The following ANXA10 variants were observed in gnomAD, a reference collection of about 807,000 sequenced individuals.
ANXA10 encodes annexin A10, also known as annexin 14.
A neutral mutation model predicts 53.5 loss-of-function variants in ANXA10; 49 were observed. The observed-to-expected ratio is 0.92, with a 90% CI of 0.73 to 1.16. The LOEUF is 1.16. Ranked by LOEUF, ANXA10 falls within the 50% of genes most tolerant of loss-of-function variation. The pLI is 0.00. For synonymous variants in ANXA10, 131 were observed against 128.9 expected, an observed-to-expected ratio of 1.02 and a Z score of -0.11; for missense variants, 393 against 394.4, an observed-to-expected ratio of 1.00 and a Z score of 0.03.
chr4:168,141,011 C>T (rs557170265), intron 3 of ANXA10, among the ~76,000 whole-genome samples: 1 of 152,270 alleles, frequency 6.6e-6, no homozygotes, highest in East Asian at 1.9e-4. Context: ...AGACTGAAAA[C>T]ATTACTTTAT....
intron 3 of ANXA10, among the ~76,000 whole-genome samples, chr4:168,152,005 G>A: frequency 6.6e-6 from 1 of 152,144 alleles, no homozygotes. Context: ...TACCTATATT[G>A]TAAGTGACGA....
At chr4:168,108,451 A>G (rs1467546773) in intron 1 of ANXA10, among the ~76,000 whole-genome samples, 2 of 152,106 alleles carry the variant, frequency 1.3e-5, no homozygotes, top group Non-Finnish European at 2.9e-5. Flanking sequence ...GCCTTCAAAG[A>G]TGTTTCTTTG....
At chr4:168,102,855 G>A (rs1002312523) in intron 1 of ANXA10, among the ~76,000 whole-genome samples, 2 of 152,086 alleles carry the variant, frequency 1.3e-5, no homozygotes, top group South Asian at 2.1e-4. Flanking sequence ...TTTTCCCAAA[G>A]TGACTATACA....
At chr4:168,138,577 C>T (rs768224143) in intron 2 of ANXA10, among the ~76,000 whole-genome samples, 21 of 152,036 alleles carry the variant, frequency 1.4e-4, no homozygotes, top group Non-Finnish European at 2.4e-4. Flanking sequence ...GCTATTCAGG[C>T]CCTTTTTTGG....
rs574602114 is a variant in ANXA10, at chr4:168,172,452, T to A, written c.481-5288T>A. ...TAGAAGCTGAAGATCACTAAGAAAA[T>A]ATCAATAATCCAGAAAATCTTCCCA... On this transcript the variant is annotated intron_variant, in intron 6 of 11. Coordinates refer to ENST00000359299, the MANE Select transcript of ANXA10 (RefSeq NM_007193.5). Among the ~76,000 whole-genome samples the A allele has an allele frequency of 7.2e-5, 11 of 152,306 alleles. No homozygotes were observed. The East Asian group carries it at 1.9e-3, about 27-fold the overall frequency.
Position 168,164,271 on chromosome 4 carries a change from G to A in ANXA10, c.383G>A (p.Arg128Gln), listed in dbSNP as rs371456571. 21 of 1,611,222 alleles carry A rather than the reference G, an allele frequency of 1.3e-5. No homozygotes were observed. In the African/African-American group the frequency reaches 1.6e-4, roughly 12 times the overall value. Reference protein sequence around the residue: ...SRTNGEIFQMREAYCLQYSNN... With the variant: ...SRTNGEIFQMQEAYCLQYSNN... ...ACAAATGGAGAAATTTTCCAGATGC[G>A]AGAAGCCTACTGCTTGCGTAAGGAA... is the stretch of plus-strand genomic sequence containing the variant. The change falls in exon 5 of 12, where the codon CGA becomes CAA. Residue 128 changes from arginine to glutamine, a missense_variant. Arg to Gln is a conservative substitution (Grantham distance 43). Coordinates refer to ENST00000359299, the MANE Select transcript of ANXA10 (RefSeq NM_007193.5).
chr4:168,106,133 C>T (rs969030969), intron 1 of ANXA10, among the ~76,000 whole-genome samples: 1 of 152,014 alleles, frequency 6.6e-6, no homozygotes, highest in African/African-American at 2.4e-5. Context: ...TATTAGATCC[C>T]ATTTGTCAAT....
chr4:168,132,226 T>C (rs1731166678), intron 2 of ANXA10, among the ~76,000 whole-genome samples: 1 of 152,220 alleles, frequency 6.6e-6, no homozygotes, highest in South Asian at 2.1e-4. Flanking sequence ...GGAAGCAACC[T>C]GTGCATCAAC....
At chr4:168,114,897 A>AT (rs145441436) in intron 1 of ANXA10, among the ~76,000 whole-genome samples, 3,371 of 151,068 alleles carry the variant, frequency 0.022, 107 homozygotes, top group African/African-American at 0.076. Context: ...ATTTTCTTTT[A>AT]TTTTTTTTGA....
intron 3 of ANXA10, among the ~76,000 whole-genome samples, chr4:168,152,975 T>C (rs992783353): frequency 2.6e-5 from 4 of 152,014 alleles, no homozygotes; most frequent in Admixed American, 2.6e-4. Context: ...TCCAAGTAGC[T>C]AGGACTACAG....
intron 3 of ANXA10, among the ~76,000 whole-genome samples, chr4:168,140,541 G>T (rs577285665): frequency 6.6e-6 from 1 of 152,120 alleles, no homozygotes; most frequent in East Asian, 1.9e-4. Flanking sequence ...TCTTTTGAAA[G>T]AGAATATAAA....
At chr4:168,146,636 CA>C (rs1389352279) in intron 3 of ANXA10, among the ~76,000 whole-genome samples, 1 of 152,144 alleles carries the variant, frequency 6.6e-6, no homozygotes, top group African/African-American at 2.4e-5. Flanking sequence ...GTGATCTGAG[CA>C]ACGCAGGCTG....
At position 168,179,291 on chromosome 4, in the gene ANXA10, C is replaced by T. The variant is rs1185548709; in HGVS notation, c.703C>T (p.Gln235Ter). Residue 235 changes from glutamine (Q) to a stop codon, truncating the protein, a stop_gained, in exon 9 of 12, where the codon CAG becomes TAG. Transcript: ENST00000359299. LOFTEE classifies it high-confidence loss of function. The part of the protein sequence containing the change: ...AINECYDGYF[Q>*]ELLVAIVLCV... ...TAATGAATGTTATGATGGATACTTT[C>T]AGGAGCTGCTGGTTGCAATTGGTAA... 6.2e-7 allele frequency: 1 copy of T among 1,610,694 alleles called. No individual in the cohort carries two copies.
chr4:168,156,790 A>G (rs1186676094), intron 3 of ANXA10, among the ~76,000 whole-genome samples: 1 of 151,954 alleles, frequency 6.6e-6, no homozygotes, highest in Non-Finnish European at 1.5e-5. Flanking sequence ...GGCATGAGCA[A>G]CCATGCCCGG....
intron 3 of ANXA10, among the ~76,000 whole-genome samples, chr4:168,161,496 T>G (rs1272842916): frequency 1.3e-5 from 2 of 152,228 alleles, no homozygotes; most frequent in East Asian, 3.8e-4. Flanking sequence ...GGTAGTGTGA[T>G]GCGTCCAGCT....
intron 1 of ANXA10, chr4:168,113,421 C>T (rs551694091): frequency 4.2e-4 from 64 of 150,728 alleles, no homozygotes; most frequent in African/African-American, 1.4e-3. Context: ...TTTCATCTCA[C>T]TTGGTCTGGT....
In ANXA10 at chr4:168,153,422, C is replaced by CAAAAAAAAAAAAAA. The variant is rs61179704; in HGVS notation, c.196-9100_196-9087dup. Among the ~76,000 whole-genome samples the CAAAAAAAAAAAAAA allele has an allele frequency of 9.7e-4, 42 of 43,496 alleles. 2 individuals carry two copies. The highest frequency in any genetic ancestry group is 2.8e-3 in the South Asian group (2 of 720). The allele number at this position is 43,496 out of a possible 152,430, so 28.5% of individuals were successfully genotyped here. On this transcript the variant is annotated intron_variant, in intron 3 of 11. Transcript: ENST00000359299. ...GCTTCAAGCTGCTAAAAGCCTAAAG[C>CAAAAAAAAAAAAAA]AAAAAAAAAAAAAAAAAAACAAAAA...
intron 2 of ANXA10, among the ~76,000 whole-genome samples, chr4:168,139,207 TATG>T (rs1731286909): frequency 6.6e-6 from 1 of 152,192 alleles, no homozygotes; most frequent in Non-Finnish European, 1.5e-5. Context: ...CCCTGTTCAG[TATG>T]ATGTTGGTTG....
chr4:168,102,653 G>A lies in ANXA10; in HGVS notation c.18+9935G>A, dbSNP rs546249141. Among the ~76,000 whole-genome samples the A allele has an allele frequency of 5.5e-4, 83 of 152,150 alleles. 1 individual carries two copies. The South Asian group carries it at 0.011, about 21-fold the overall frequency. ...TGTTTATCTGTTCACAGTTTGAATG[G>A]ATAAACTGTGAATGGATGAACTGTG... On this transcript the variant is annotated intron_variant, in intron 1 of 11. Transcript: ENST00000359299.
Sources: allele counts gnomAD v4.1 joint callset (sites outside exome capture counted in the v4.1 genomes callset), GRCh38; gene constraint gnomAD v4.1.1; transcripts MANE v1.5; gene names NCBI Gene and HGNC (gene_info 2026-07-23, HGNC 2026-07-21).